The following MME variants were observed in gnomAD, a reference collection of about 807,000 sequenced individuals.
The protein encoded by MME is membrane metalloendopeptidase, also known as neprilysin.
In MME, 98 loss-of-function variants were observed where a neutral mutation model predicts 113.2. That is an observed-to-expected ratio of 0.87 (90% confidence interval 0.74 to 1.02). The LOEUF is 1.02. Among genes scored for constraint, MME ranks in the 50% least tolerant of loss-of-function variants. The pLI is 0.00. For missense variants in MME, 836 were observed against 896.0 expected, an observed-to-expected ratio of 0.93 and a Z score of 0.86; for synonymous variants, 292 against 300.6, an observed-to-expected ratio of 0.97 and a Z score of 0.30.
At chr3:155,039,857 C>T (rs1713250627) in intron 1 of MME, among the ~76,000 whole-genome samples, 1 of 151,994 alleles carries the variant, frequency 6.6e-6, no homozygotes, top group Non-Finnish European at 1.5e-5. Flanking sequence ...TTATGGTACA[C>T]AACATGATGT....
At position 155,181,514 on chromosome 3, in the gene MME, G is replaced by A. The variant is rs1713088575; in HGVS notation, c.*1055G>A. On this transcript the variant is annotated 3_prime_UTR_variant, in exon 23 of 23. Coordinates refer to ENST00000360490, the MANE Select transcript of MME (RefSeq NM_007289.4). ...AAAAGGGCAAATCTGCACCTATGTA[G>A]CTCTGCATCTCCTGTCTTTTCAGGT... is the stretch of plus-strand genomic sequence containing the variant. 1 of 152,100 alleles carries A rather than the reference G, an allele frequency of 6.6e-6. No individual in the cohort carries two copies. Among genetic ancestry groups the A allele is most frequent in the Admixed American group, 6.6e-5 (1 of 15,262 alleles). 9.4% of individuals were successfully genotyped at this position (152,100 alleles called of 1,614,324 possible).
rs1414754060 is a variant in MME, at chr3:155,181,454, T to G, written c.*995T>G. 1 of 152,146 alleles carries G rather than the reference T, an allele frequency of 6.6e-6. No individual in the cohort carries two copies. The highest frequency in any genetic ancestry group is 1.5e-5 in the Non-Finnish European group (1 of 68,020). The allele number at this position is 152,146 out of a possible 1,614,324, so 9.4% of individuals were successfully genotyped here. On this transcript the variant is annotated 3_prime_UTR_variant, in exon 23 of 23. Coordinates refer to ENST00000360490, the MANE Select transcript of MME (RefSeq NM_007289.4). ...TACTTGTGGTTTTCAAATTGGACTT[T>G]CAAAATTAAATCTGTCCCTGAGAGT...
At chr3:155,072,294 C>G (rs1278854342) in intron 1 of MME, among the ~76,000 whole-genome samples, 1 of 151,988 alleles carries the variant, frequency 6.6e-6, no homozygotes, top group Non-Finnish European at 1.5e-5. Flanking sequence ...GACACTCCGA[C>G]TTTATTGCTC....
intron 1 of MME, among the ~76,000 whole-genome samples, chr3:155,060,829 CAGAGAGAGAGAG>C (rs138935329): frequency 4.4e-5 from 6 of 137,674 alleles, no homozygotes; most frequent in Admixed American, 7.3e-5. Context: ...TGCAGAGAGG[CAGAGAGAGAGAG>C]AGAGAGAGAG....
At chr3:155,038,402 G>A (rs1383860755) in intron 1 of MME, among the ~76,000 whole-genome samples, 2 of 151,120 alleles carry the variant, frequency 1.3e-5, no homozygotes, top group African/African-American at 4.9e-5. Flanking sequence ...TAGTGTCTAG[G>A]ACCTTGCTGG....
At chr3:155,083,263 T>C (rs568762890) in intron 1 of MME, among the ~76,000 whole-genome samples, 1 of 152,308 alleles carries the variant, frequency 6.6e-6, no homozygotes, top group Non-Finnish European at 1.5e-5. Flanking sequence ...GCCTGACTTC[T>C]CTGTGCCCCA....
At chr3:155,081,006 G>A (rs1242801850) in intron 1 of MME, 1 of 152,190 alleles carries the variant, frequency 6.6e-6, no homozygotes, top group African/African-American at 2.4e-5. Context: ...TTGGCACTTC[G>A]TGTCCAGAAC....
intron 1 of MME, among the ~76,000 whole-genome samples, chr3:155,043,899 A>G (rs896711442): frequency 6.6e-6 from 1 of 152,004 alleles, no homozygotes; most frequent in African/African-American, 2.4e-5. Flanking sequence ...TGTCTGATTC[A>G]TCCCCAAAAG....
intron 8 of MME, among the ~76,000 whole-genome samples, chr3:155,131,656 G>C (rs888957032): frequency 6.6e-6 from 1 of 152,184 alleles, no homozygotes; most frequent in Non-Finnish European, 1.5e-5. Context: ...TTGATAACCT[G>C]ATGAAAGCCC....
At chr3:155,141,953 C>A (rs1184221101) in intron 10 of MME, 38 bp from the exon 11 acceptor site, 1 of 1,611,942 alleles carries the variant, frequency 6.2e-7, no homozygotes, top group African/African-American at 1.3e-5. Flanking sequence ...GAAGAGAAAT[C>A]CACAATTTCT....
chr3:155,138,305 A>G (rs756490000), intron 9 of MME, 69 bp downstream of exon 9: 3 of 1,498,700 alleles, frequency 2.0e-6, no homozygotes, highest in East Asian at 2.3e-5. Flanking sequence ...CCTCTCTATC[A>G]TACTTTAAGA....
chr3:155,135,304 A>T (rs541714169), intron 8 of MME, among the ~76,000 whole-genome samples: 1 of 152,204 alleles, frequency 6.6e-6, no homozygotes, highest in African/African-American at 2.4e-5. Context: ...TCTTGAGGTA[A>T]TTTTTGTGTA....
intron 3 of MME, among the ~76,000 whole-genome samples, chr3:155,086,604 G>T (rs116754708): frequency 1.1e-3 from 170 of 152,342 alleles, no homozygotes; most frequent in African/African-American, 3.8e-3. Context: ...ATCAATTGGA[G>T]TGTGGTGAAA....
intron 1 of MME, among the ~76,000 whole-genome samples, chr3:155,069,965 G>A (rs1475321755): frequency 3.3e-5 from 5 of 152,146 alleles, no homozygotes; most frequent in Non-Finnish European, 5.9e-5. Flanking sequence ...AGAGGGAACA[G>A]GAAGAGATTG....
rs758955918 is a variant in MME, at chr3:155,143,460, C to T, written c.1206C>T (p.Thr402=). ...NAFRKALYGT[T]SETATWRRCA... is the part of the protein sequence containing the mutation. Reference sequence around the variant, plus strand: ...TTCCGTAGGCCCTTTATGGTACAACCTCAGAAACAGCAACTTGGAGACGTT... The same window carrying T: ...TTCCGTAGGCCCTTTATGGTACAACTTCAGAAACAGCAACTTGGAGACGTT... Residue 402 remains threonine, a synonymous_variant, in exon 13 of 23, where the codon ACC becomes ACT. Transcript: ENST00000360490. 2 of 1,612,368 alleles carry T rather than the reference C, an allele frequency of 1.2e-6. No individual in the cohort carries two copies. The highest frequency in any genetic ancestry group is 2.2e-5 in the South Asian group (2 of 91,046).
At chr3:155,141,708 A>G (rs1721101919) in intron 10 of MME, among the ~76,000 whole-genome samples, 2 of 152,090 alleles carry the variant, frequency 1.3e-5, no homozygotes, top group Non-Finnish European at 2.9e-5. Context: ...TTATATTTTT[A>G]TTTTCTGTAT....
At chr3:155,128,969 T>C (rs1345370972) in intron 8 of MME, among the ~76,000 whole-genome samples, 1 of 152,212 alleles carries the variant, frequency 6.6e-6, no homozygotes, top group Non-Finnish European at 1.5e-5. Context: ...CTGTGTTCTC[T>C]TTTCTCTTTT....
At chr3:155,078,649 A>ATGTGTGTGTG (rs531692651), upstream of MME, among the ~76,000 whole-genome samples, 26 of 130,788 alleles carry the variant, frequency 2.0e-4, no homozygotes, top group South Asian at 5.3e-4. Flanking sequence ...GAGTGTGAAT[A>ATGTGTGTGTG]TGTGTGTGTA....
At chr3:155,175,062 T>G (rs1712386792) in intron 22 of MME, among the ~76,000 whole-genome samples, 1 of 152,050 alleles carries the variant, frequency 6.6e-6, no homozygotes. Flanking sequence ...GGATTAAAAA[T>G]TATCTATTAA....
Sources: gnomAD v4.1 joint callset for allele counts (sites outside exome capture counted in the v4.1 genomes callset) on GRCh38, gnomAD v4.1.1 for gene constraint, MANE v1.5 for transcripts, NCBI Gene and HGNC (gene_info 2026-07-23, HGNC 2026-07-21) for gene names.